MSRA: variants seen among roughly 807,000 people sequenced by gnomAD.
MSRA encodes methionine sulfoxide reductase A, also known as mitochondrial peptide methionine sulfoxide reductase.
In MSRA, 54 loss-of-function variants were observed where a neutral mutation model predicts 31.3. The ratio of observed to expected loss-of-function variants is 1.73; its 90% CI spans 1.39 to 2.17. The LOEUF is 2.17. Ranked by LOEUF, MSRA falls within the 30% of genes most tolerant of loss-of-function variation. MSRA has a pLI of 0.00. For synonymous variants in MSRA, 169 were observed against 116.5 expected, an observed-to-expected ratio of 1.45 and a Z score of -2.90; for missense variants, 507 against 300.9, an observed-to-expected ratio of 1.69 and a Z score of -5.07.
chr8:10,389,222 T>G (rs1806582638), intron 5 of MSRA, among the ~76,000 whole-genome samples: 2 of 152,190 alleles, frequency 1.3e-5, no homozygotes, highest in South Asian at 4.1e-4. Flanking sequence ...TTTGAAAGTT[T>G]CCTGGGTGAC....
intron 3 of MSRA, among the ~76,000 whole-genome samples, chr8:10,292,651 C>T (rs1413646386): frequency 6.6e-6 from 1 of 152,250 alleles, no homozygotes; most frequent in Admixed American, 6.5e-5. Flanking sequence ...TCTCTCCCTG[C>T]ACAGCGCCTC....
At chr8:10,305,295 C>T (rs1434032037) in intron 4 of MSRA, among the ~76,000 whole-genome samples, 6 of 152,026 alleles carry the variant, frequency 3.9e-5, no homozygotes. Context: ...ATCTTCATGG[C>T]ATAGGCTAAA....
chr8:10,279,230 G>A (rs1031467870), intron 3 of MSRA, among the ~76,000 whole-genome samples: 11 of 152,124 alleles, frequency 7.2e-5, no homozygotes, highest in African/African-American at 1.4e-4. Context: ...CGTGCATTGC[G>A]TGTCTTCCAT....
At chr8:10,153,804 A>G (rs999211061) in intron 1 of MSRA, among the ~76,000 whole-genome samples, 2 of 152,250 alleles carry the variant, frequency 1.3e-5, no homozygotes, top group Non-Finnish European at 2.9e-5. Flanking sequence ...TTCTAGAGCT[A>G]GAACATGCAG....
At chr8:10,146,121 G>C (rs762731563) in intron 1 of MSRA, among the ~76,000 whole-genome samples, 11 of 152,150 alleles carry the variant, frequency 7.2e-5, no homozygotes, top group Non-Finnish European at 1.5e-5. Context: ...GGAGTGTGTG[G>C]TTTGGACCAG....
chr8:10,170,583 A>C (rs1229830558), intron 1 of MSRA, among the ~76,000 whole-genome samples: 1 of 152,220 alleles, frequency 6.6e-6, no homozygotes, highest in East Asian at 1.9e-4. Context: ...AAACACAAAA[A>C]TACAGTGTAT....
At chr8:10,310,861 G>T (rs747073610) in intron 4 of MSRA, among the ~76,000 whole-genome samples, 1 of 152,152 alleles carries the variant, frequency 6.6e-6, no homozygotes, top group African/African-American at 2.4e-5. Context: ...CACATTATCC[G>T]ATGATTTTAA....
At chr8:10,328,027 ATTTTT>A (rs35940076) in intron 5 of MSRA, among the ~76,000 whole-genome samples, 3 of 65,310 alleles carry the variant, frequency 4.6e-5, no homozygotes, top group African/African-American at 7.1e-5. Context: ...CTCTATGGTA[ATTTTT>A]TTTTTTTTTT....
Position 10,077,556 on chromosome 8 carries a change from C to G in MSRA, c.142+22898C>G, listed in dbSNP as rs537775018. On this transcript the variant is annotated intron_variant, in intron 1 of 5. Transcript: ENST00000317173. ...CAGGCTGGTCTTCAACTCATGAGCT[C>G]AAGTGACCCTCCCTCCTGAGTCTCT... 1.5e-4 allele frequency among the ~76,000 whole-genome samples: 21 copies of G among 139,996 alleles called. No individual in the cohort carries two copies. In the East Asian group the frequency reaches 4.1e-3, roughly 28 times the overall value. The allele number at this position is 139,996 out of a possible 152,430, so 91.8% of individuals were successfully genotyped here. A position where few individuals can be genotyped will look rare whatever the true frequency, so the allele number is the denominator to read the frequency against.
intron 5 of MSRA, among the ~76,000 whole-genome samples, chr8:10,419,718 C>T (rs1234537450): frequency 2.6e-5 from 4 of 152,158 alleles, no homozygotes; most frequent in Admixed American, 6.5e-5. Context: ...GTTGGTGGCG[C>T]TTGGTGTTTA....
chr8:10,424,307 A>G (rs1382819660), intron 5 of MSRA, among the ~76,000 whole-genome samples: 1 of 152,184 alleles, frequency 6.6e-6, no homozygotes, highest in African/African-American at 2.4e-5. Context: ...GAAGATGGTG[A>G]GGGAGACGAT....
At chr8:10,337,645 C>A in intron 5 of MSRA, 2 of 687,088 alleles carry the variant, frequency 2.9e-6, no homozygotes, top group South Asian at 1.5e-5. Flanking sequence ...TCACATTTTC[C>A]TTGATAGTGT....
chr8:10,176,433 T>G (rs1806057540), intron 1 of MSRA, among the ~76,000 whole-genome samples: 1 of 152,136 alleles, frequency 6.6e-6, no homozygotes, highest in African/African-American at 2.4e-5. Flanking sequence ...TGGTGGACTT[T>G]GTGTGGTGCC....
intron 5 of MSRA, among the ~76,000 whole-genome samples, chr8:10,379,002 AT>A (rs963022063): frequency 6.6e-6 from 1 of 152,030 alleles, no homozygotes; most frequent in African/African-American, 2.4e-5. Context: ...TTGCCTGCAT[AT>A]TTTTTTACGC....
chr8:10,253,261 T>A (rs1302857185), intron 3 of MSRA, among the ~76,000 whole-genome samples: 4 of 152,154 alleles, frequency 2.6e-5, no homozygotes, highest in Non-Finnish European at 5.9e-5. Flanking sequence ...GTGAGTGAAT[T>A]GGATGGTTTA....
chr8:10,090,619 C>T (rs1185880328), intron 1 of MSRA, among the ~76,000 whole-genome samples: 1 of 152,182 alleles, frequency 6.6e-6, no homozygotes, highest in Non-Finnish European at 1.5e-5. Context: ...GTGCAGACAT[C>T]ACCATTAAAC....
At chr8:10,401,992 T>G (rs1475323540) in intron 5 of MSRA, among the ~76,000 whole-genome samples, 1 of 152,212 alleles carries the variant, frequency 6.6e-6, no homozygotes, top group Non-Finnish European at 1.5e-5. Flanking sequence ...TGCACAGCAC[T>G]GTAAATGTAC....
chr8:10,254,598 C>G (rs1798082659), intron 3 of MSRA, among the ~76,000 whole-genome samples: 1 of 152,178 alleles, frequency 6.6e-6, no homozygotes, highest in Non-Finnish European at 1.5e-5. Flanking sequence ...AGAGCAGCAT[C>G]AGTGCTGCCC....
At chr8:10,057,802 C>T (rs918283497) in intron 1 of MSRA, among the ~76,000 whole-genome samples, 9 of 152,206 alleles carry the variant, frequency 5.9e-5, no homozygotes, top group Admixed American at 2.0e-4. Flanking sequence ...CCTGAGGCCT[C>T]CCTGGCCATG....
Sources: allele counts gnomAD v4.1 joint callset (sites outside exome capture counted in the v4.1 genomes callset), GRCh38; gene constraint gnomAD v4.1.1; transcripts MANE v1.5; gene names NCBI Gene and HGNC (gene_info 2026-07-23, HGNC 2026-07-21).